Variants in DGKG observed in about 807,000 individuals in gnomAD.
DGKG encodes the protein diacylglycerol kinase gamma.
Under a neutral mutation model 105.3 loss-of-function variants are expected in DGKG, and 78 were observed. The observed-to-expected ratio is 0.74, with a 90% CI of 0.62 to 0.89. DGKG has a LOEUF of 0.89. Among genes scored for constraint, DGKG ranks in the 40% least tolerant of loss-of-function variants. The probability of loss-of-function intolerance (pLI) is 0.00; values close to 1 mark genes in which losing one functional copy is unlikely to be tolerated. For synonymous variants in DGKG, 346 were observed against 367.1 expected, an observed-to-expected ratio of 0.94 and a Z score of 0.66; for missense variants, 958 against 1,020.1, an observed-to-expected ratio of 0.94 and a Z score of 0.83.
At chr3:186,220,078 A>AT (rs1719489808) in intron 20 of DGKG, among the ~76,000 whole-genome samples, 2 of 152,204 alleles carry the variant, frequency 1.3e-5, no homozygotes, top group Admixed American at 1.3e-4. Context: ...TTAAACTATA[A>AT]TTTTTTTGAT....
chr3:186,355,489 A>G (rs1726900167), intron 1 of DGKG, among the ~76,000 whole-genome samples: 1 of 150,154 alleles, frequency 6.7e-6, no homozygotes, highest in African/African-American at 2.5e-5. Flanking sequence ...CACTACCATC[A>G]CCACTATCAC....
Position 186,284,668 on chromosome 3 carries a change from C to G in DGKG, c.586G>C (p.Asp196His), listed in dbSNP as rs1011009811. Residue 196 changes from aspartate (D) to histidine (H), a missense_variant, in exon 7 of 25, where the codon GAC becomes CAC. By Grantham distance (81) the Asp-to-His change is moderately conservative. This residue lies in a region of DGKG where 643 missense variants were observed against 619.5 expected (regional missense o/e 1.04). Coordinates refer to ENST00000265022, the MANE Select transcript of DGKG (RefSeq NM_001346.3). This position sits in a 1 kb window ranked among gnomAD's most constrained non-coding sequence, Gnocchi z 4.0. ...LYDSDENGLLDQAEMDCIVNQ... is the reference protein window; with the variant it reads ...LYDSDENGLLHQAEMDCIVNQ... ...TTAGAGTGAGAACTTACCGCTTGGT[C>G]CAGGAGACCGTTCTCATCTGAATCA... The G allele has an allele frequency of 6.2e-7, 1 of 1,613,812 alleles. No homozygotes were observed. The highest frequency in any genetic ancestry group is 1.7e-5 in the Admixed American group (1 of 60,004).
At chr3:186,199,514 T>C (rs1718346157) in intron 21 of DGKG, among the ~76,000 whole-genome samples, 1 of 152,150 alleles carries the variant, frequency 6.6e-6, no homozygotes. Flanking sequence ...AGTATTTGTA[T>C]TCCCATTTAT....
At position 186,225,570 on chromosome 3, in the gene DGKG, G is replaced by C. The variant is rs534135030; in HGVS notation, c.1827-13685C>G. ...ATTTTACATACACACCTGAAGCCCA[G>C]CTTCTCTTGAGAAATCAGATCTGTT... On this transcript the variant is annotated intron_variant, in intron 20 of 24. Transcript: ENST00000265022. Among the ~76,000 whole-genome samples the C allele has an allele frequency of 3.3e-5, 5 of 152,132 alleles. No homozygotes were observed. In the South Asian group the frequency reaches 1.0e-3, roughly 32 times the overall value.
At chr3:186,177,551 A>T (rs2108491405) in intron 22 of DGKG, among the ~76,000 whole-genome samples, 1 of 152,308 alleles carries the variant, frequency 6.6e-6, no homozygotes, top group African/African-American at 2.4e-5. Context: ...CTTGCTCATT[A>T]TGCCAATATT....
At chr3:186,197,773 G>A (rs912657181) in intron 21 of DGKG, among the ~76,000 whole-genome samples, 3 of 152,066 alleles carry the variant, frequency 2.0e-5, no homozygotes, top group African/African-American at 4.8e-5. Flanking sequence ...ACAGAGTTGC[G>A]GACTACTTAC....
intron 2 of DGKG, chr3:186,313,469 C>A: frequency 2.0e-6 from 2 of 980,816 alleles, no homozygotes; most frequent in Non-Finnish European, 2.4e-6. Context: ...AGAACATTTT[C>A]TCACCTTTTC....
rs755158277 is a variant in DGKG, at chr3:186,301,969, T to TGAGCAACCCTC, written c.145-3751_145-3741dup. 1.1e-4 allele frequency among the ~76,000 whole-genome samples: 17 copies of TGAGCAACCCTC among 152,298 alleles called. 1 individual carries two copies. The Middle Eastern group carries it at 0.01, about 91-fold the overall frequency. On this transcript the variant is annotated intron_variant, in intron 3 of 24. Transcript: ENST00000265022. ...CCATGCTGACCTCTGTGTTCTTTCC[T>TGAGCAACCCTC]GAGCAACCCTCCATGCACTCTACCC...
intron 9 of DGKG, among the ~76,000 whole-genome samples, chr3:186,277,117 A>G (rs1030283390): frequency 6.6e-6 from 1 of 151,828 alleles, no homozygotes; most frequent in Admixed American, 6.6e-5. Flanking sequence ...GCATTCACAA[A>G]CTGATAATGA....
intron 6 of DGKG, among the ~76,000 whole-genome samples, chr3:186,287,595 T>C (rs1723129141): frequency 6.6e-6 from 1 of 152,232 alleles, no homozygotes; most frequent in African/African-American, 2.4e-5. Context: ...CACTAACAAA[T>C]ACAATGCCTG....
chr3:186,328,474 G>T (rs1028867022), intron 1 of DGKG, among the ~76,000 whole-genome samples: 5 of 152,108 alleles, frequency 3.3e-5, no homozygotes, highest in Non-Finnish European at 7.4e-5. Context: ...AGGTGATGTG[G>T]TATACATTGC....
chr3:186,274,694 A>G (rs1028122194), intron 10 of DGKG, among the ~76,000 whole-genome samples: 1 of 151,970 alleles, frequency 6.6e-6, no homozygotes, highest in African/African-American at 2.4e-5. Flanking sequence ...AGCTTCATCC[A>G]TGTCCCTACA....
chr3:186,240,608 G>A (rs1720636738), intron 20 of DGKG, among the ~76,000 whole-genome samples: 1 of 151,996 alleles, frequency 6.6e-6, no homozygotes, highest in Non-Finnish European at 1.5e-5. Context: ...TCAGGAGTTC[G>A]AGACCAGCCT....
At chr3:186,256,404 C>A (rs1298497381) in intron 17 of DGKG, among the ~76,000 whole-genome samples, 1 of 152,198 alleles carries the variant, frequency 6.6e-6, no homozygotes, top group Non-Finnish European at 1.5e-5. Flanking sequence ...GTCAGCAAAT[C>A]GTATTGCCTT....
At chr3:186,243,421 A>G (rs1424346176) in intron 19 of DGKG, among the ~76,000 whole-genome samples, 1 of 150,996 alleles carries the variant, frequency 6.6e-6, no homozygotes, top group Non-Finnish European at 1.5e-5. Flanking sequence ...TCTGACCACA[A>G]CTCCCTAACC....
In DGKG at chr3:186,361,484, GC is replaced by G. The variant is rs1170247347; in HGVS notation, c.-249+461del. Among the ~76,000 whole-genome samples, 1 of 152,166 alleles carries G rather than the reference GC, an allele frequency of 6.6e-6. No individual in the cohort carries two copies. Among genetic ancestry groups the G allele is most frequent in the African/African-American group, 2.4e-5 (1 of 41,448 alleles). The stretch of plus-strand genomic sequence containing the variant: ...GCCCTGCGCAGGGGCTTTGTGGAGT[GC>G]CCCCAAAGTCCTAGAACCCCGCGGG... On this transcript the variant is annotated intron_variant, in intron 1 of 24. Coordinates refer to ENST00000265022, the MANE Select transcript of DGKG (RefSeq NM_001346.3). This position sits in a 1 kb window ranked among gnomAD's most constrained non-coding sequence, Gnocchi z 6.8.
intron 21 of DGKG, among the ~76,000 whole-genome samples, chr3:186,200,995 A>G (rs1278612933): frequency 6.6e-6 from 1 of 152,176 alleles, no homozygotes; most frequent in Non-Finnish European, 1.5e-5. Context: ...GGGGGTGCCC[A>G]AATTCATTTC....
chr3:186,178,793 G>A (rs182456369), intron 22 of DGKG, among the ~76,000 whole-genome samples: 162 of 152,312 alleles, frequency 1.1e-3, no homozygotes, highest in African/African-American at 3.5e-3. Context: ...CAGAAACTGC[G>A]AAGCTGGGGT....
chr3:186,299,633 A>T (rs1331489677), intron 3 of DGKG, among the ~76,000 whole-genome samples: 1 of 150,996 alleles, frequency 6.6e-6, no homozygotes, highest in Admixed American at 6.6e-5. Context: ...TTTATTTCAC[A>T]CTCTTTCTGT....
Sources: allele counts gnomAD v4.1 joint callset (sites outside exome capture counted in the v4.1 genomes callset), GRCh38; gene constraint gnomAD v4.1.1; regional missense constraint gnomAD v4.1.1; non-coding constraint Gnocchi (gnomAD v3.1); transcripts MANE v1.5; gene names NCBI Gene and HGNC (gene_info 2026-07-23, HGNC 2026-07-21).